CAMKMT: variants seen among roughly 807,000 people sequenced by gnomAD.
CAMKMT encodes CaM KMT.
A neutral mutation model predicts 48.0 loss-of-function variants in CAMKMT; 53 were observed. That is an observed-to-expected ratio of 1.10 (90% CI 0.89 to 1.39). The LOEUF is 1.39. CAMKMT is among the 40% of genes most tolerant of loss of function. The pLI, the probability that CAMKMT is intolerant of heterozygous loss-of-function variation, is 0.00. For synonymous variants in CAMKMT, 165 were observed against 152.3 expected, an observed-to-expected ratio of 1.08 and a Z score of -0.61; for missense variants, 428 against 402.7, an observed-to-expected ratio of 1.06 and a Z score of -0.54.
At position 44,583,753 on chromosome 2, in the gene CAMKMT, G is replaced by A. The variant is rs183878713; in HGVS notation, c.377-120530G>A. 3.3e-5 allele frequency among the ~76,000 whole-genome samples: 5 copies of A among 152,144 alleles called. No homozygotes were observed. The South Asian group carries it at 8.3e-4, about 25-fold the overall frequency. ...CAAGGCTGCAGTGAGCTATGTTTGA[G>A]CCACAGCACCGCATCCTGGGCAACA... On this transcript the variant is annotated intron_variant, in intron 3 of 10. Transcript: ENST00000378494.
chr2:44,431,756 C>T (rs780222413), intron 3 of CAMKMT, among the ~76,000 whole-genome samples: 5 of 152,200 alleles, frequency 3.3e-5, no homozygotes, highest in South Asian at 2.1e-4. Context: ...CTTGTGCTGT[C>T]GGGTTAGGCC....
At chr2:44,392,169 C>G (rs573034131) in intron 3 of CAMKMT, 1 of 152,006 alleles carries the variant, frequency 6.6e-6, no homozygotes, top group South Asian at 2.1e-4. Flanking sequence ...TTTAATTGAA[C>G]TAACAGGGCA....
At chr2:44,510,731 C>A (rs977493910) in intron 3 of CAMKMT, among the ~76,000 whole-genome samples, 4 of 152,030 alleles carry the variant, frequency 2.6e-5, no homozygotes, top group African/African-American at 9.7e-5. Context: ...GTGGTGATTT[C>A]TGAGATTTTA....
intron 3 of CAMKMT, among the ~76,000 whole-genome samples, chr2:44,498,031 G>C (rs1669839196): frequency 6.6e-6 from 1 of 152,142 alleles, no homozygotes; most frequent in Admixed American, 6.6e-5. Flanking sequence ...GGATCATGGA[G>C]TGTAGTTAGG....
chr2:44,528,830 G>T (rs932813705), intron 3 of CAMKMT, among the ~76,000 whole-genome samples: 2 of 151,972 alleles, frequency 1.3e-5, no homozygotes, highest in Non-Finnish European at 2.9e-5. Flanking sequence ...GAACTGGCAG[G>T]TTACTTAAGA....
chr2:44,535,836 G>A (rs566882220), intron 3 of CAMKMT, among the ~76,000 whole-genome samples: 21 of 152,160 alleles, frequency 1.4e-4, no homozygotes, highest in Non-Finnish European at 2.8e-4. Context: ...ATAAGACAAG[G>A]TTGCCTACTT....
chr2:44,523,325 C>T (rs527667191), intron 3 of CAMKMT, among the ~76,000 whole-genome samples: 124 of 146,032 alleles, frequency 8.5e-4, no homozygotes, highest in African/African-American at 3.0e-3. Flanking sequence ...CAGAGTCTCA[C>T]TCTGTCGCCC....
Position 44,391,530 on chromosome 2 carries a change from A to G in CAMKMT, c.376+1225A>G, listed in dbSNP as rs139436485. Among the ~76,000 whole-genome samples the G allele has an allele frequency of 1.1e-3, 164 of 152,262 alleles. 1 individual carries two copies. The highest frequency in any genetic ancestry group is 3.9e-3 in the African/African-American group (161 of 41,576). On this transcript the variant is annotated intron_variant, in intron 3 of 10. Transcript: ENST00000378494. ...GCATACCAATGATGGTTGAGGATAC[A>G]TACTCTTTTAGTTCTGGGGTAATGT...
intron 3 of CAMKMT, among the ~76,000 whole-genome samples, chr2:44,529,788 A>G (rs1334395695): frequency 6.6e-6 from 1 of 152,174 alleles, no homozygotes; most frequent in Non-Finnish European, 1.5e-5. Context: ...CAGTAACTAA[A>G]AGGTTTCATG....
intron 3 of CAMKMT, among the ~76,000 whole-genome samples, chr2:44,625,535 T>A (rs977896326): frequency 1.3e-5 from 2 of 151,862 alleles, no homozygotes; most frequent in African/African-American, 4.8e-5. Flanking sequence ...CTAAGTTATC[T>A]TTTTTTTCTT....
intron 3 of CAMKMT, among the ~76,000 whole-genome samples, chr2:44,563,248 C>G (rs1668422191): frequency 6.6e-6 from 1 of 151,364 alleles, no homozygotes; most frequent in African/African-American, 2.4e-5. Flanking sequence ...ATTTTTGTTT[C>G]TTTCTTAAAA....
chr2:44,486,965 ATG>A (rs1669246444), intron 3 of CAMKMT, among the ~76,000 whole-genome samples: 1 of 152,294 alleles, frequency 6.6e-6, no homozygotes, highest in African/African-American at 2.4e-5. Context: ...ATGCTTAACT[ATG>A]TGTTTCACTA....
At chr2:44,505,320 T>C (rs1326962538) in intron 3 of CAMKMT, among the ~76,000 whole-genome samples, 1 of 152,218 alleles carries the variant, frequency 6.6e-6, no homozygotes, top group African/African-American at 2.4e-5. Context: ...AGTTTGCAAA[T>C]GTTTTCTCTC....
Position 44,392,810 on chromosome 2 carries a change from A to C in CAMKMT, c.376+2505A>C, listed in dbSNP as rs558810190. ...AAATAAAGAAGTACTTTTGATAGAG[A>C]GTGAAAGTTCCATACAAGAGTATCA... On this transcript the variant is annotated intron_variant, in intron 3 of 10. Transcript: ENST00000378494. 2.8e-4 allele frequency among the ~76,000 whole-genome samples: 42 copies of C among 152,102 alleles called. 1 individual carries two copies. In the South Asian group the frequency reaches 8.5e-3, roughly 31 times the overall value.
intron 3 of CAMKMT, among the ~76,000 whole-genome samples, chr2:44,439,140 A>G (rs1320841456): frequency 1.3e-5 from 2 of 152,184 alleles, no homozygotes; most frequent in Non-Finnish European, 1.5e-5. Flanking sequence ...TGAAGCCACC[A>G]TCTTTTTTTT....
At chr2:44,683,275 G>A (rs1449578381) in intron 3 of CAMKMT, among the ~76,000 whole-genome samples, 29 of 152,012 alleles carry the variant, frequency 1.9e-4, no homozygotes, top group Admixed American at 1.8e-3. Context: ...GGATGAGTAT[G>A]ATTCATTTCT....
chr2:44,393,013 C>T (rs1342452337), intron 3 of CAMKMT, among the ~76,000 whole-genome samples: 2 of 152,042 alleles, frequency 1.3e-5, no homozygotes, highest in African/African-American at 4.8e-5. Context: ...TTTCTAGTCA[C>T]AAAAACCTGA....
At chr2:44,476,119 G>T (rs374905319) in intron 3 of CAMKMT, among the ~76,000 whole-genome samples, 3 of 152,226 alleles carry the variant, frequency 2.0e-5, no homozygotes, top group South Asian at 4.1e-4. Context: ...AATGCCTTTT[G>T]TCCTCAGGGT....
chr2:44,730,392 G>T (rs1427297989), intron 7 of CAMKMT, among the ~76,000 whole-genome samples: 2 of 152,164 alleles, frequency 1.3e-5, no homozygotes, highest in Non-Finnish European at 2.9e-5. Context: ...TAATTCTTTT[G>T]TTTCATTTGA....
Sources: allele counts gnomAD v4.1 joint callset (sites outside exome capture counted in the v4.1 genomes callset), GRCh38; gene constraint gnomAD v4.1.1; transcripts MANE v1.5; gene names NCBI Gene and HGNC (gene_info 2026-07-23, HGNC 2026-07-21).